Variants in GLCCI1 observed in about 807,000 individuals in gnomAD.
GLCCI1 encodes the protein glucocorticoid induced 1, also known as glucocorticoid-induced transcript 1 protein.
In GLCCI1, 24 loss-of-function variants were observed where a neutral mutation model predicts 52.2. The ratio of observed to expected loss-of-function variants is 0.46; its 90% confidence interval spans 0.33 to 0.65. GLCCI1 has a LOEUF of 0.65. GLCCI1 is among the 30% of genes least tolerant of loss of function. The pLI, the probability that GLCCI1 is intolerant of heterozygous loss-of-function variation, is 0.02. For synonymous variants in GLCCI1, 310 were observed against 276.5 expected (o/e 1.12, Z -1.20); for missense variants, 704 against 701.5 (o/e 1.00, Z -0.04).
At chr7:8,081,499 T>C (rs911269361) in intron 6 of GLCCI1, among the ~76,000 whole-genome samples, 1 of 152,250 alleles carries the variant, frequency 6.6e-6, no homozygotes, top group Non-Finnish European at 1.5e-5. Context: ...ATATATATTT[T>C]TGAGACAGGG....
At chr7:7,992,471 A>G (rs1001893512) in intron 1 of GLCCI1, among the ~76,000 whole-genome samples, 19 of 152,168 alleles carry the variant, frequency 1.2e-4, no homozygotes, top group African/African-American at 4.3e-4. Flanking sequence ...CTTGCTAGTT[A>G]TGTAGCAAGA....
At chr7:8,003,692 G>C (rs1286916753) in intron 1 of GLCCI1, among the ~76,000 whole-genome samples, 11 of 152,182 alleles carry the variant, frequency 7.2e-5, no homozygotes, top group Admixed American at 7.2e-4. Context: ...CATAGGGTCT[G>C]TGGGAGCCCT....
At chr7:8,023,588 C>CCTTTTTTTTTTTTTTT (rs1781543370) in intron 3 of GLCCI1, among the ~76,000 whole-genome samples, 1 of 41,984 alleles carries the variant, frequency 2.4e-5, no homozygotes, top group African/African-American at 1.0e-4. Flanking sequence ...CTCTGTTATT[C>CCTTTTTTTTTTTTTTT]TTTTTTTTTT....
At chr7:8,020,757 G>A (rs1313265891) in intron 2 of GLCCI1, among the ~76,000 whole-genome samples, 1 of 152,050 alleles carries the variant, frequency 6.6e-6, no homozygotes, top group Admixed American at 6.5e-5. Context: ...TTTTCATTTT[G>A]ATAAGAGTAA....
intron 3 of GLCCI1, among the ~76,000 whole-genome samples, chr7:8,047,824 G>C (rs1438529700): frequency 1.3e-5 from 2 of 152,092 alleles, no homozygotes. Flanking sequence ...ATTAGAATCT[G>C]GTCACTCCTA....
At chr7:8,014,805 G>C (rs1583973122) in intron 2 of GLCCI1, among the ~76,000 whole-genome samples, 1 of 152,208 alleles carries the variant, frequency 6.6e-6, no homozygotes, top group East Asian at 1.9e-4. Flanking sequence ...TCTGAGAGGT[G>C]AGAGATGGGA....
chr7:8,064,650 G>A (rs1411903198), intron 5 of GLCCI1, among the ~76,000 whole-genome samples: 2 of 152,162 alleles, frequency 1.3e-5, no homozygotes, highest in Non-Finnish European at 2.9e-5. Context: ...ATCATTGGAA[G>A]TTTGATGGGA....
At chr7:7,995,900 TA>T (rs752689788) in intron 1 of GLCCI1, among the ~76,000 whole-genome samples, 7 of 150,612 alleles carry the variant, frequency 4.6e-5, no homozygotes, top group Non-Finnish European at 7.4e-5. Flanking sequence ...TAAAGTATAA[TA>T]AAAAAAATAA....
chr7:7,995,337 C>T (rs777322094), intron 1 of GLCCI1, among the ~76,000 whole-genome samples: 11 of 152,204 alleles, frequency 7.2e-5, no homozygotes, highest in East Asian at 5.8e-4. Context: ...GGCAAAACCC[C>T]GTCCTCTACA....
At chr7:8,064,748 G>A (rs578107708) in intron 5 of GLCCI1, among the ~76,000 whole-genome samples, 14 of 151,692 alleles carry the variant, frequency 9.2e-5, no homozygotes, top group South Asian at 2.1e-4. Flanking sequence ...CTGCTCTGTC[G>A]CCAGGCTGAA....
At chr7:8,082,912 A>G (rs543957136) in intron 6 of GLCCI1, among the ~76,000 whole-genome samples, 1 of 152,358 alleles carries the variant, frequency 6.6e-6, no homozygotes, top group Non-Finnish European at 1.5e-5. Flanking sequence ...CTGATGATGT[A>G]GTAAGAAAAA....
At chr7:8,081,452 C>G (rs1293169836) in intron 6 of GLCCI1, among the ~76,000 whole-genome samples, 1 of 152,144 alleles carries the variant, frequency 6.6e-6, no homozygotes, top group Admixed American at 6.5e-5. Context: ...ATTTTACATA[C>G]TACCTGCATA....
In GLCCI1 at chr7:8,085,116, A is replaced by T. The variant is rs1365180117; in HGVS notation, c.1298+99A>T. On this transcript the variant is annotated intron_variant, in intron 7 of 7. Coordinates refer to ENST00000223145, the MANE Select transcript of GLCCI1 (RefSeq NM_138426.4). ...ATGAATCAACTACTCTATCCAGCTG[A>T]TAATGTGTTTCAAGAGCAAATTATG... 2.9e-6 allele frequency: 4 copies of T among 1,378,666 alleles called. No homozygotes were observed. The South Asian group carries it at 5.4e-5, about 19-fold the overall frequency. 85.4% of individuals were successfully genotyped at this position (1,378,666 alleles called of 1,614,324 possible).
chr7:7,977,743 G>T (rs1453358411), intron 1 of GLCCI1, among the ~76,000 whole-genome samples: 2 of 152,156 alleles, frequency 1.3e-5, no homozygotes, highest in African/African-American at 2.4e-5. Flanking sequence ...TTTATTTATT[G>T]AGCCTTTATG....
chr7:8,036,360 C>T (rs1781868413), intron 3 of GLCCI1, among the ~76,000 whole-genome samples: 1 of 152,006 alleles, frequency 6.6e-6, no homozygotes. Context: ...GCCAAAAGGC[C>T]ATACACAACA....
intron 3 of GLCCI1, among the ~76,000 whole-genome samples, chr7:8,025,715 A>T (rs1219223467): frequency 1.3e-5 from 2 of 152,218 alleles, no homozygotes; most frequent in African/African-American, 2.4e-5. Flanking sequence ...AAAAAGAAGA[A>T]AATGGGTCAT....
At chr7:7,986,001 A>G (rs1301242538) in intron 1 of GLCCI1, among the ~76,000 whole-genome samples, 2 of 152,228 alleles carry the variant, frequency 1.3e-5, no homozygotes, top group African/African-American at 4.8e-5. Context: ...TAAAACAGAC[A>G]TGATCCTTAC....
intron 1 of GLCCI1, among the ~76,000 whole-genome samples, chr7:7,982,525 A>G (rs184671673): frequency 2.6e-5 from 4 of 152,330 alleles, no homozygotes; most frequent in Admixed American, 2.0e-4. Flanking sequence ...ACAAAAATAC[A>G]TAAACGTGTT....
chr7:8,070,538 A>G (rs1037438308), intron 5 of GLCCI1: 1 of 159,134 alleles, frequency 6.3e-6, no homozygotes, highest in African/African-American at 2.4e-5. Context: ...ACTTTTTCTT[A>G]CAAGCAAGTC....
Sources: gnomAD v4.1 joint callset for allele counts (sites outside exome capture counted in the v4.1 genomes callset) on GRCh38, gnomAD v4.1.1 for gene constraint, MANE v1.5 for transcripts, NCBI Gene and HGNC (gene_info 2026-07-23, HGNC 2026-07-21) for gene names.